The following WIPF2 variants were observed in gnomAD, a reference collection of about 807,000 sequenced individuals.
WIPF2 encodes WAS/WASL-interacting protein family member 2.
Under a neutral mutation model 38.8 loss-of-function variants are expected in WIPF2, and 23 were observed. The ratio of observed to expected loss-of-function variants is 0.59; its 90% CI spans 0.43 to 0.84. The LOEUF is 0.84. Ranked by LOEUF, WIPF2 falls within the 40% of genes least tolerant of loss-of-function variation. The pLI, the probability that WIPF2 is intolerant of heterozygous loss-of-function variation, is 0.00. For missense variants in WIPF2, 574 were observed against 580.5 expected (o/e 0.99, Z 0.11); for synonymous variants, 210 against 223.2 (o/e 0.94, Z 0.53).
chr17:40,223,442 A>G (rs2030336510), intron 1 of WIPF2, among the ~76,000 whole-genome samples: 1 of 152,016 alleles, frequency 6.6e-6, no homozygotes, highest in Non-Finnish European at 1.5e-5. Context: ...ACCAAGGTGA[A>G]ATGCAGGAGA....
At chr17:40,224,972 A>G (rs556567920) in intron 1 of WIPF2, among the ~76,000 whole-genome samples, 1 of 152,066 alleles carries the variant, frequency 6.6e-6, no homozygotes, top group East Asian at 1.9e-4. Context: ...AAAAGTTGGC[A>G]GAGTTCCGGT....
At chr17:40,260,373 G>A (rs1315342391) in intron 2 of WIPF2, among the ~76,000 whole-genome samples, 162 bp from the exon 3 acceptor site, 4 of 151,722 alleles carry the variant, frequency 2.6e-5, no homozygotes, top group Admixed American at 6.6e-5. Flanking sequence ...TTTTAGTAGA[G>A]ATGGGGTTTC....
intron 1 of WIPF2, among the ~76,000 whole-genome samples, chr17:40,253,497 C>G (rs1468439772): frequency 1.3e-5 from 2 of 152,118 alleles, no homozygotes; most frequent in Non-Finnish European, 2.9e-5. Flanking sequence ...CTTGTGTTTT[C>G]TTTATTTTAA....
chr17:40,260,724 A>G (rs761634878), intron 3 of WIPF2, 57 bp downstream of exon 3: 7 of 1,611,520 alleles, frequency 4.3e-6, no homozygotes, highest in Non-Finnish European at 5.1e-6. Context: ...TGACTTGGAG[A>G]CTTGGCTGGG....
chr17:40,266,548 G>GGAAT (rs2032093931), intron 5 of WIPF2, among the ~76,000 whole-genome samples: 1 of 152,136 alleles, frequency 6.6e-6, no homozygotes, highest in Non-Finnish European at 1.5e-5. Context: ...CAAGAATGCA[G>GGAAT]GAATAGGAGG....
chr17:40,244,020 GA>G (rs1391974100), intron 1 of WIPF2, among the ~76,000 whole-genome samples: 1 of 152,170 alleles, frequency 6.6e-6, no homozygotes, highest in Non-Finnish European at 1.5e-5. Context: ...AGGTTTGACT[GA>G]ATTGAATTTC....
intron 1 of WIPF2, among the ~76,000 whole-genome samples, chr17:40,235,116 C>T (rs1016881928): frequency 6.6e-6 from 1 of 151,464 alleles, no homozygotes. Context: ...GGCGGGGTTT[C>T]ACCGTGTTAG....
intron 1 of WIPF2, among the ~76,000 whole-genome samples, chr17:40,255,041 T>C (rs1280381623): frequency 6.6e-6 from 1 of 152,096 alleles, no homozygotes; most frequent in African/African-American, 2.4e-5. Context: ...GCCTGATTTT[T>C]ACATTTTTAA....
intron 2 of WIPF2, 77 bp from the exon 3 acceptor site, chr17:40,260,458 A>G (rs998232024): frequency 2.3e-5 from 36 of 1,555,234 alleles, no homozygotes; most frequent in Non-Finnish European, 3.0e-5. Context: ...AAGTGTTGGG[A>G]TTACAGGCGT....
At chr17:40,261,611 T>C (rs910366985) in intron 3 of WIPF2, among the ~76,000 whole-genome samples, 1 of 150,470 alleles carries the variant, frequency 6.6e-6, no homozygotes, top group African/African-American at 2.4e-5. Flanking sequence ...CAAACATTTA[T>C]TTAACCCCCT....
At chr17:40,221,653 T>C (rs1463158586) in intron 1 of WIPF2, among the ~76,000 whole-genome samples, 1 of 127,094 alleles carries the variant, frequency 7.9e-6, no homozygotes, top group African/African-American at 3.1e-5. Flanking sequence ...TGATCTCGGC[T>C]CACTGCAACC....
intron 7 of WIPF2, 51 bp from the exon 8 acceptor site, chr17:40,278,134 A>T (rs1198274766): frequency 2.5e-6 from 4 of 1,588,436 alleles, no homozygotes; most frequent in Non-Finnish European, 3.4e-6. Flanking sequence ...GGTTGTTCAG[A>T]TTCTGGTGGG....
intron 1 of WIPF2, among the ~76,000 whole-genome samples, chr17:40,234,488 C>T (rs2030880658): frequency 6.6e-6 from 1 of 152,026 alleles, no homozygotes; most frequent in Admixed American, 6.6e-5. Context: ...GGTATGGTGG[C>T]ATGCACTTGT....
chr17:40,222,548 C>A (rs868806712), intron 1 of WIPF2, among the ~76,000 whole-genome samples: 3 of 142,372 alleles, frequency 2.1e-5, no homozygotes, highest in Admixed American at 1.5e-4. Flanking sequence ...ACATGTTTTT[C>A]TGTTTCTTCC....
intron 1 of WIPF2, among the ~76,000 whole-genome samples, chr17:40,230,923 C>T (rs1431466485): frequency 6.6e-6 from 1 of 152,080 alleles, no homozygotes; most frequent in Non-Finnish European, 1.5e-5. Flanking sequence ...CAAGGTAGCC[C>T]AAGGGCCATT....
intron 1 of WIPF2, among the ~76,000 whole-genome samples, chr17:40,243,071 T>C (rs1423527126): frequency 6.6e-6 from 1 of 152,234 alleles, no homozygotes; most frequent in African/African-American, 2.4e-5. Flanking sequence ...AGACTTCTCA[T>C]TGATTTGTCA....
chr17:40,278,290 C>T lies in WIPF2; in HGVS notation c.*65C>T. 6.3e-7 allele frequency: 1 copy of T among 1,580,668 alleles called. No homozygotes were observed. The highest frequency in any genetic ancestry group is 8.6e-7 in the Non-Finnish European group (1 of 1,156,914). On this transcript the variant is annotated 3_prime_UTR_variant, in exon 8 of 8. Transcript: ENST00000323571. ...TTCTCTTCTTCTCAGATGGTCCCTT[C>T]CATTCCCCTGAAACCTGCATGAGAG...
intron 1 of WIPF2, among the ~76,000 whole-genome samples, chr17:40,241,993 G>T (rs2145321062): frequency 6.6e-6 from 1 of 152,260 alleles, no homozygotes; most frequent in South Asian, 2.1e-4. Flanking sequence ...TCAGTTCTTG[G>T]AAATCTTGTG....
At chr17:40,227,542 GTAT>G (rs1490051146) in intron 1 of WIPF2, among the ~76,000 whole-genome samples, 3 of 151,652 alleles carry the variant, frequency 2.0e-5, no homozygotes, top group African/African-American at 7.3e-5. Context: ...GAGGCAACTC[GTAT>G]TATTATTTTC....
Sources: allele counts gnomAD v4.1 joint callset (sites outside exome capture counted in the v4.1 genomes callset), GRCh38; gene constraint gnomAD v4.1.1; transcripts MANE v1.5; gene names NCBI Gene and HGNC (gene_info 2026-07-23, HGNC 2026-07-21).